PLCB1: variants seen among roughly 807,000 people sequenced by gnomAD.
PLCB1 encodes the protein phospholipase C beta 1, also known as 1-phosphatidylinositol 4,5-bisphosphate phosphodiesterase beta-1.
PLCB1 carries 46 observed loss-of-function variants against 161.8 expected under a neutral mutation model. That is an observed-to-expected ratio of 0.28 (90% CI 0.22 to 0.36). The LOEUF (loss-of-function observed/expected upper bound fraction) is 0.36, where lower values mean the gene tolerates loss of function less well. PLCB1 is among the 10% of genes least tolerant of loss of function. The probability of loss-of-function intolerance (pLI) is 1.00; values close to 1 mark genes in which losing one functional copy is unlikely to be tolerated. For synonymous variants in PLCB1, 517 were observed against 503.7 expected, an observed-to-expected ratio of 1.03 and a Z score of -0.35; for missense variants, 1,016 against 1,472.5, an observed-to-expected ratio of 0.69 and a Z score of 5.07.
intron 2 of PLCB1, among the ~76,000 whole-genome samples, chr20:8,356,456 T>G (rs1986365099): frequency 1.3e-5 from 2 of 152,144 alleles, no homozygotes; most frequent in Non-Finnish European, 2.9e-5. Context: ...GGACCATACT[T>G]TGAAAACCAC....
intron 2 of PLCB1, among the ~76,000 whole-genome samples, chr20:8,203,068 G>T (rs557068466): frequency 3.0e-4 from 45 of 150,414 alleles, no homozygotes; most frequent in African/African-American, 1.1e-3. Context: ...GAAGAGCTCA[G>T]TCATTCTGGG....
chr20:8,582,690 C>G (rs1197932027), intron 3 of PLCB1, among the ~76,000 whole-genome samples: 1 of 151,966 alleles, frequency 6.6e-6, no homozygotes, highest in African/African-American at 2.4e-5. Context: ...ATTATTTGGC[C>G]TTAAAAAGAA....
At chr20:8,531,655 T>C (rs1171993650) in intron 3 of PLCB1, among the ~76,000 whole-genome samples, 1 of 152,088 alleles carries the variant, frequency 6.6e-6, no homozygotes, top group Non-Finnish European at 1.5e-5. Context: ...ACCTCCCCTC[T>C]GTATACATTT....
intron 3 of PLCB1, among the ~76,000 whole-genome samples, chr20:8,543,475 C>T (rs1985413734): frequency 6.6e-6 from 1 of 151,900 alleles, no homozygotes; most frequent in South Asian, 2.1e-4. Context: ...CACAAAAGGG[C>T]ACAAGAAACT....
In PLCB1 at chr20:8,651,339, A is replaced by G. The variant is rs778340799; in HGVS notation, c.594+1890A>G. On this transcript the variant is annotated intron_variant, in intron 7 of 31. Transcript: ENST00000338037. ...GTTGTGAAGACTTTTCAAAACAGCAAAGTTCATTAACAACTTTGGTGGGTC... is the reference window on the plus strand; with the variant it reads ...GTTGTGAAGACTTTTCAAAACAGCAGAGTTCATTAACAACTTTGGTGGGTC... The G allele has an allele frequency of 7.4e-6, 5 of 671,520 alleles. No individual in the cohort carries two copies. The Admixed American group carries it at 9.5e-5, about 13-fold the overall frequency. 41.6% of individuals were successfully genotyped at this position (671,520 alleles called of 1,614,324 possible).
rs548618758 is a variant in PLCB1 at position 8,158,486 on chromosome 20, C to T, written c.177+8115C>T. Among the ~76,000 whole-genome samples the T allele has an allele frequency of 2.2e-3, 339 of 152,242 alleles. 5 individuals are homozygous for T. Among genetic ancestry groups the T allele is most frequent in the African/African-American group, 7.8e-3 (324 of 41,544 alleles). On this transcript the variant is annotated intron_variant, in intron 2 of 31. Coordinates refer to ENST00000338037, the MANE Select transcript of PLCB1 (RefSeq NM_015192.4). ...AGATTTGGGTAGGGACACAGCCAAA[C>T]CATATCATTCTGCCCCTGGAGCTTC...
intron 2 of PLCB1, among the ~76,000 whole-genome samples, chr20:8,180,019 C>T (rs1037932895): frequency 6.6e-6 from 1 of 151,384 alleles, no homozygotes; most frequent in South Asian, 2.1e-4. Context: ...CCACTACGCC[C>T]GGCTAATTTT....
chr20:8,184,695 T>C (rs891732530), intron 2 of PLCB1, among the ~76,000 whole-genome samples: 2 of 151,248 alleles, frequency 1.3e-5, no homozygotes, highest in Admixed American at 6.6e-5. Context: ...ATAGTAGAAA[T>C]GTAAATTGTA....
chr20:8,274,469 G>A (rs972572739), intron 2 of PLCB1, among the ~76,000 whole-genome samples: 4 of 150,996 alleles, frequency 2.6e-5, no homozygotes, highest in Non-Finnish European at 5.9e-5. Context: ...TTGGATTTTT[G>A]TTACTTGTGT....
intron 31 of PLCB1, among the ~76,000 whole-genome samples, chr20:8,799,734 C>T (rs939021318): frequency 3.3e-5 from 5 of 152,148 alleles, no homozygotes; most frequent in African/African-American, 1.2e-4. Flanking sequence ...TGGTTGGTTC[C>T]AGGACTCCCC....
chr20:8,345,566 C>T lies in PLCB1; in HGVS notation c.178-25816C>T, dbSNP rs73591735. Reference sequence around the variant, plus strand: ...TGTCCTCCAGCAGTCACAGGTGCTGCCCTGGGCATTGTAGGATGTTCAGCA... The same window carrying T: ...TGTCCTCCAGCAGTCACAGGTGCTGTCCTGGGCATTGTAGGATGTTCAGCA... On this transcript the variant is annotated intron_variant, in intron 2 of 31. Transcript: ENST00000338037. Among the ~76,000 whole-genome samples the T allele has an allele frequency of 5.0e-3, 756 of 152,306 alleles. 7 individuals carry two copies. Among genetic ancestry groups the T allele is most frequent in the African/African-American group, 0.017 (715 of 41,584 alleles).
chr20:8,492,969 C>A (rs1479800917), intron 3 of PLCB1, among the ~76,000 whole-genome samples: 1 of 151,926 alleles, frequency 6.6e-6, no homozygotes, highest in East Asian at 1.9e-4. Context: ...GTAAACAGGT[C>A]AAACTGTTCA....
intron 31 of PLCB1, among the ~76,000 whole-genome samples, chr20:8,860,382 A>G (rs1361017286): frequency 2.6e-5 from 4 of 152,214 alleles, no homozygotes; most frequent in Non-Finnish European, 5.9e-5. Flanking sequence ...AAGTCCTACC[A>G]CAGTGATTCA....
intron 3 of PLCB1, among the ~76,000 whole-genome samples, chr20:8,509,108 CA>C (rs1415671186): frequency 6.6e-6 from 1 of 152,116 alleles, no homozygotes; most frequent in African/African-American, 2.4e-5. Flanking sequence ...CCCTTAATTT[CA>C]ATTAAAATCT....
intron 2 of PLCB1, among the ~76,000 whole-genome samples, chr20:8,366,776 G>C (rs708933): frequency 0.48 from 72,337 of 150,504 alleles, 17,293 homozygotes; most frequent in South Asian, 0.57. Flanking sequence ...TACATGCCTC[G>C]TTTAATGATT....
chr20:8,236,714 G>A (rs892035690), intron 2 of PLCB1, among the ~76,000 whole-genome samples: 1 of 151,770 alleles, frequency 6.6e-6, no homozygotes, highest in Non-Finnish European at 1.5e-5. Flanking sequence ...AAACAAACTG[G>A]AATATTTTTG....
chr20:8,361,824 G>C (rs1408664858), intron 2 of PLCB1, among the ~76,000 whole-genome samples: 1 of 152,200 alleles, frequency 6.6e-6, no homozygotes, highest in Non-Finnish European at 1.5e-5. Context: ...AGTGGAAACA[G>C]CTTGTTTGCC....
At chr20:8,344,657 G>C (rs776082541) in intron 2 of PLCB1, among the ~76,000 whole-genome samples, 1 of 152,062 alleles carries the variant, frequency 6.6e-6, no homozygotes, top group Non-Finnish European at 1.5e-5. Flanking sequence ...ATCTGCTCCC[G>C]GTGCTCACCC....
chr20:8,882,407 C>A lies in PLCB1; in HGVS notation c.*558C>A, dbSNP rs1444302853. On this transcript the variant is annotated 3_prime_UTR_variant, in exon 32 of 32. Coordinates refer to ENST00000338037, the MANE Select transcript of PLCB1 (RefSeq NM_015192.4). ...GCTAATTTATTTATCATAGAGTCAT[C>A]AATGTATTTGTTGCTGACATGGTTT... The A allele has an allele frequency of 6.4e-6, 1 of 156,818 alleles. No homozygotes were observed. The highest frequency in any genetic ancestry group is 1.9e-4 in the East Asian group (1 of 5,256). 9.7% of individuals were successfully genotyped at this position (156,818 alleles called of 1,614,324 possible). A position where few individuals can be genotyped will look rare whatever the true frequency, so the allele number is the denominator to read the frequency against.
Sources: gnomAD v4.1 joint callset for allele counts (sites outside exome capture counted in the v4.1 genomes callset) on GRCh38, gnomAD v4.1.1 for gene constraint, MANE v1.5 for transcripts, NCBI Gene and HGNC (gene_info 2026-07-23, HGNC 2026-07-21) for gene names.